SPDYE10: variants seen among roughly 807,000 people sequenced by gnomAD.
The protein encoded by SPDYE10 is speedy protein E10.
At chr7:73,151,913 T>G in the SPDYE10 span, among the ~76,000 whole-genome samples, 1 of 147,848 alleles carries the variant, frequency 6.8e-6, no homozygotes, top group South Asian at 2.1e-4. Flanking sequence ...TGAAAAATGC[T>G]ACCTTAGGCC....
chr7:73,134,385 G>C, the SPDYE10 span, among the ~76,000 whole-genome samples: 13 of 139,032 alleles, frequency 9.4e-5, no homozygotes, highest in East Asian at 6.9e-4. Context: ...GTGGAGGGAG[G>C]GGGGAGGGAT....
At chr7:73,127,800 G>A in the SPDYE10 span, among the ~76,000 whole-genome samples, 37 of 117,956 alleles carry the variant, frequency 3.1e-4, no homozygotes, top group Admixed American at 1.0e-3. Flanking sequence ...TATCAGCTAA[G>A]CAAAAGCTAA....
At chr7:73,154,845 G>GC in the SPDYE10 span, 8,817 of 189,524 alleles carry the variant, frequency 0.047, 113 homozygotes, top group Admixed American at 0.06. Context: ...CACCGGGGGA[G>GC]CCCCCCCAGG....
At chr7:73,116,964 C>T in the SPDYE10 span, among the ~76,000 whole-genome samples, 3 of 151,922 alleles carry the variant, frequency 2.0e-5, no homozygotes, top group South Asian at 2.1e-4. Context: ...GGTGCAATCT[C>T]GTCTCACTAT....
chr7:73,150,949 T>TATATATA, the SPDYE10 span, among the ~76,000 whole-genome samples: 3 of 8,580 alleles, frequency 3.5e-4, no homozygotes, highest in African/African-American at 1.5e-3. Flanking sequence ...TATATATATA[T>TATATATA]TTTTTTTTTT....
chr7:73,137,632 AAG>A, the SPDYE10 span, among the ~76,000 whole-genome samples: 97 of 135,636 alleles, frequency 7.2e-4, no homozygotes, highest in Non-Finnish European at 1.4e-3. Flanking sequence ...GAAAGAAAGA[AAG>A]AAAGAAAGGA....
the SPDYE10 span, among the ~76,000 whole-genome samples, chr7:73,124,793 G>A: frequency 7.6e-4 from 107 of 140,124 alleles, no homozygotes; most frequent in African/African-American, 2.4e-3. Flanking sequence ...ATGTGGTGGC[G>A]CATGCCTGTA....
At chr7:73,137,474 A>T in the SPDYE10 span, among the ~76,000 whole-genome samples, 67 of 150,450 alleles carry the variant, frequency 4.5e-4, no homozygotes, top group Middle Eastern at 0.014. Context: ...GTAAGCCAAG[A>T]TCGTGCTGCT....
chr7:73,134,541 G>GAAAGAAAGAA, the SPDYE10 span, among the ~76,000 whole-genome samples: 1 of 151,446 alleles, frequency 6.6e-6, no homozygotes. Context: ...GAAAGAAAAA[G>GAAAGAAAGAA]AAAGAAAGAA....
chr7:73,123,612 C>A, the SPDYE10 span, among the ~76,000 whole-genome samples: 1 of 152,112 alleles, frequency 6.6e-6, no homozygotes, highest in Non-Finnish European at 1.5e-5. Context: ...GCATGTGCCA[C>A]CACACCTGGC....
the SPDYE10 span, among the ~76,000 whole-genome samples, chr7:73,120,774 G>A: frequency 2.0e-5 from 3 of 149,344 alleles, no homozygotes; most frequent in Admixed American, 2.0e-4. Context: ...GGCAACAGAG[G>A]GAGATTCTGT....
the SPDYE10 span, among the ~76,000 whole-genome samples, chr7:73,126,506 CAAAAAAAAAAA>C: frequency 6.3e-5 from 3 of 47,900 alleles, no homozygotes; most frequent in Non-Finnish European, 1.1e-4. Context: ...GACTCCATCT[CAAAAAAAAAAA>C]AAAAAAAAAA....
At chr7:73,137,567 G>C in the SPDYE10 span, among the ~76,000 whole-genome samples, 1 of 110,648 alleles carries the variant, frequency 9.0e-6, no homozygotes. Flanking sequence ...AGAAAGAAGA[G>C]ATGAAAGAAA....
At chr7:73,154,759 G>A in the SPDYE10 span, among the ~76,000 whole-genome samples, 1 of 150,906 alleles carries the variant, frequency 6.6e-6, no homozygotes, top group Admixed American at 6.6e-5. Context: ...TGCATTTCCC[G>A]TGCACCGGGC....
chr7:73,123,788 C>CCTCTCTCTCTCTCTCCCTCTCTCTCT, the SPDYE10 span, among the ~76,000 whole-genome samples: 1 of 97,458 alleles, frequency 1.0e-5, no homozygotes, highest in East Asian at 3.2e-4. Flanking sequence ...TCTCTCTCTC[C>CCTCTCTCTCTCTCTCCCTCTCTCTCT]CTCTCTCTCT....
the SPDYE10 span, among the ~76,000 whole-genome samples, chr7:73,123,145 G>C: frequency 6.6e-6 from 1 of 152,212 alleles, no homozygotes; most frequent in Non-Finnish European, 1.5e-5. Context: ...TTCTGGGCTA[G>C]GCTGAGAGGG....
the SPDYE10 span, chr7:73,104,913 A>C: frequency 2.8e-4 from 38 of 135,754 alleles, no homozygotes; most frequent in Middle Eastern, 3.8e-3. Flanking sequence ...CTTTAGGTAT[A>C]TATAACAACT....
the SPDYE10 span, among the ~76,000 whole-genome samples, chr7:73,123,788 C>CCTCTCTCTCCCTCTCT: frequency 2.1e-5 from 2 of 97,456 alleles, no homozygotes; most frequent in African/African-American, 1.0e-4. Flanking sequence ...TCTCTCTCTC[C>CCTCTCTCTCCCTCTCT]CTCTCTCTCT....
the SPDYE10 span, among the ~76,000 whole-genome samples, chr7:73,135,439 C>T: frequency 6.7e-6 from 1 of 148,220 alleles, no homozygotes; most frequent in African/African-American, 2.5e-5. Flanking sequence ...TTCATTCATT[C>T]ATTCAACAGA....
Sources: allele counts gnomAD v4.1 joint callset (sites outside exome capture counted in the v4.1 genomes callset), GRCh38; gene constraint gnomAD v4.1.1; transcripts MANE v1.5; gene names NCBI Gene and HGNC (gene_info 2026-07-23, HGNC 2026-07-21).